Variants in WASL observed in about 807,000 individuals in gnomAD.
The protein encoded by WASL is actin nucleation-promoting factor WASL.
In WASL, 20 loss-of-function variants were observed where a neutral mutation model predicts 55.5. That is an observed-to-expected ratio of 0.36 (90% confidence interval 0.25 to 0.52). The LOEUF (loss-of-function observed/expected upper bound fraction) is 0.52, where lower values mean the gene tolerates loss of function less well. Ranked by LOEUF, WASL falls within the 20% of genes least tolerant of loss-of-function variation. The pLI, the probability that WASL is intolerant of heterozygous loss-of-function variation, is 0.92. For missense variants in WASL, 504 were observed against 622.5 expected (o/e 0.81, Z 2.03); for synonymous variants, 249 against 217.6 (o/e 1.14, Z -1.27).
intron 1 of WASL, among the ~76,000 whole-genome samples, chr7:123,735,935 A>G (rs1319973750): frequency 6.6e-6 from 1 of 152,164 alleles, no homozygotes; most frequent in African/African-American, 2.4e-5. Flanking sequence ...GTTAAAACCC[A>G]GCAAGATAAA....
chr7:123,706,460 T>C, intron 3 of WASL, 87 bp from the exon 4 acceptor site: 1 of 1,288,348 alleles, frequency 7.8e-7, no homozygotes. Context: ...AGAAGTATAT[T>C]TCTAAAGAAC....
chr7:123,721,024 C>G (rs1242784284), intron 1 of WASL, among the ~76,000 whole-genome samples: 2 of 152,100 alleles, frequency 1.3e-5, no homozygotes, highest in Non-Finnish European at 2.9e-5. Flanking sequence ...ATAAACATTG[C>G]TGAATAACAT....
At chr7:123,698,351 GAA>G (rs34132314) in intron 5 of WASL, among the ~76,000 whole-genome samples, 1 of 136,148 alleles carries the variant, frequency 7.3e-6, no homozygotes, top group South Asian at 2.3e-4. Context: ...AAAATTATCT[GAA>G]AAAAAAAAAA....
At chr7:123,740,949 T>C (rs76875852) in intron 1 of WASL, among the ~76,000 whole-genome samples, 3,473 of 152,310 alleles carry the variant, frequency 0.023, 57 homozygotes, top group Non-Finnish European at 0.034. Context: ...TGTGTGGAGT[T>C]TGCAGGTACT....
intron 4 of WASL, among the ~76,000 whole-genome samples, chr7:123,705,303 C>T (rs1803652255): frequency 6.6e-6 from 1 of 152,056 alleles, no homozygotes; most frequent in Non-Finnish European, 1.5e-5. Context: ...GGAACAAATG[C>T]CTTTTACTGA....
intron 10 of WASL, among the ~76,000 whole-genome samples, chr7:123,686,293 C>A (rs1338929698): frequency 6.6e-6 from 1 of 151,992 alleles, no homozygotes; most frequent in East Asian, 1.9e-4. Flanking sequence ...ATGTTAATTT[C>A]TGTTTACTCT....
chr7:123,691,490 T>A (rs1803407234), intron 9 of WASL, among the ~76,000 whole-genome samples: 1 of 152,190 alleles, frequency 6.6e-6, no homozygotes. Flanking sequence ...TATATAAAAT[T>A]CAAATTTCAG....
intron 5 of WASL, among the ~76,000 whole-genome samples, chr7:123,702,355 C>T (rs1803605121): frequency 6.6e-6 from 1 of 152,134 alleles, no homozygotes; most frequent in African/African-American, 2.4e-5. Flanking sequence ...CGCGCCCGGC[C>T]TGAAACTACA....
chr7:123,723,809 A>C (rs1803996125), intron 1 of WASL, among the ~76,000 whole-genome samples: 1 of 152,138 alleles, frequency 6.6e-6, no homozygotes. Context: ...TCTGCTTTGG[A>C]TTCCATGGGA....
rs1803433657 is a variant in WASL, at chr7:123,692,706, G to C, written c.988C>G (p.Pro330Ala). Reference sequence around the variant, plus strand: ...GGTGGTGGAGGGACTGCTACACTTGGCCTGGAAGGAGGCGGTGGTGGAGGT... The same window carrying C: ...GGTGGTGGAGGGACTGCTACACTTGCCCTGGAAGGAGGCGGTGGTGGAGGT... Reference protein sequence around the residue: ...AAPPPPPPSRPSVAVPPPPPN... With the variant: ...AAPPPPPPSRASVAVPPPPPN... Residue 330 changes from proline to alanine, a missense_variant, in exon 9 of 11, where the codon CCA becomes GCA. Transcript: ENST00000223023. 1.3e-6 allele frequency: 2 copies of C among 1,519,208 alleles called. No individual in the cohort carries two copies. Among genetic ancestry groups the C allele is most frequent in the Non-Finnish European group, 1.8e-6 (2 of 1,135,990 alleles). 94.1% of individuals were successfully genotyped at this position (1,519,208 alleles called of 1,614,324 possible).
rs556849450 is a variant in WASL at position 123,720,390 on chromosome 7, C to T, written c.118-11167G>A. The stretch of plus-strand genomic sequence containing the variant: ...GTTATTCAAGTAATGATAAGATGAA[C>T]AAGATACACTGTTATCTGAATAAAA... On this transcript the variant is annotated intron_variant, in intron 1 of 10. Transcript: ENST00000223023. 1,003 of 426,914 alleles carry T rather than the reference C, an allele frequency of 2.3e-3. 4 individuals carry two copies. The highest frequency in any genetic ancestry group is 6.0e-3 in the Middle Eastern group (17 of 2,856). 26.4% of individuals were successfully genotyped at this position (426,914 alleles called of 1,614,324 possible). A position where few individuals can be genotyped will look rare whatever the true frequency, so the allele number is the denominator to read the frequency against.
chr7:123,748,030 G>A (rs1296071652), intron 1 of WASL, among the ~76,000 whole-genome samples: 3 of 152,044 alleles, frequency 2.0e-5, no homozygotes, highest in African/African-American at 2.4e-5. Context: ...CCTAGGCAAG[G>A]TTGCTAGAGA....
chr7:123,697,903 G>T (rs1439102020), intron 5 of WASL, among the ~76,000 whole-genome samples: 1 of 152,170 alleles, frequency 6.6e-6, no homozygotes, highest in African/African-American at 2.4e-5. Context: ...AGGCAGGGTA[G>T]ACCTATGTAA....
At chr7:123,689,007 T>C (rs746462930) in intron 10 of WASL, 35 bp downstream of exon 10, 1 of 12,244 alleles carries the variant, frequency 8.2e-5, no homozygotes, top group Non-Finnish European at 1.3e-4. Flanking sequence ...ACTCTCTCTG[T>C]CTCTCTCTCT....
At chr7:123,712,813 T>C (rs1009204752) in intron 1 of WASL, among the ~76,000 whole-genome samples, 2 of 152,182 alleles carry the variant, frequency 1.3e-5, no homozygotes, top group Non-Finnish European at 2.9e-5. Flanking sequence ...GTGTACCAAC[T>C]TTCTTAAAAG....
At chr7:123,707,009 A>C (rs2215554) in intron 2 of WASL, among the ~76,000 whole-genome samples, 183 bp from the exon 3 acceptor site, 112,823 of 152,042 alleles carry the variant, frequency 0.74, 42,114 homozygotes, top group South Asian at 0.83. Flanking sequence ...CTTAAAACTG[A>C]AAACACTGGA....
chr7:123,724,121 C>A (rs183748419), intron 1 of WASL, among the ~76,000 whole-genome samples: 2 of 152,264 alleles, frequency 1.3e-5, no homozygotes, highest in East Asian at 1.9e-4. Context: ...TAAGTGCTTG[C>A]CAGTTATCTT....
At chr7:123,725,572 T>C (rs1804028403) in intron 1 of WASL, among the ~76,000 whole-genome samples, 1 of 152,150 alleles carries the variant, frequency 6.6e-6, no homozygotes, top group Admixed American at 6.6e-5. Context: ...AAAATATTAA[T>C]ATAACAACTG....
In WASL at chr7:123,692,851, T is replaced by C. The variant is rs763880745; in HGVS notation, c.843A>G (p.Pro281=). The C allele has an allele frequency of 7.3e-7, 1 of 1,364,668 alleles. No individual in the cohort carries two copies. Among genetic ancestry groups the C allele is most frequent in the Non-Finnish European group, 9.5e-7 (1 of 1,054,584 alleles). The allele number at this position is 1,364,668 out of a possible 1,614,324, so 84.5% of individuals were successfully genotyped here. A position where few individuals can be genotyped will look rare whatever the true frequency, so the allele number is the denominator to read the frequency against. ...ELRRQAPPPP[P]PSRGGPPPPP... ...GAGGAGGTGGCCCTCCCCTTGATGG[T>C]GGTGGAGGTGGTGGTGCTGAAATGC... The change falls in exon 9 of 11, where the codon CCA becomes CCG. Residue 281 remains proline (P), a synonymous_variant. Coordinates refer to ENST00000223023, the MANE Select transcript of WASL (RefSeq NM_003941.4).
Sources: gnomAD v4.1 joint callset for allele counts (sites outside exome capture counted in the v4.1 genomes callset) on GRCh38, gnomAD v4.1.1 for gene constraint, MANE v1.5 for transcripts, NCBI Gene and HGNC (gene_info 2026-07-23, HGNC 2026-07-21) for gene names.